The following CAMK1D variants were observed in gnomAD, a reference collection of about 807,000 sequenced individuals.
The protein encoded by CAMK1D is calcium/calmodulin dependent protein kinase ID.
A neutral mutation model predicts 47.7 loss-of-function variants in CAMK1D; 9 were observed. The observed-to-expected ratio is 0.19, with a 90% CI of 0.11 to 0.33. CAMK1D has a LOEUF of 0.33. CAMK1D is among the 10% of genes least tolerant of loss of function. The probability of loss-of-function intolerance (pLI) is 1.00; values close to 1 mark genes in which losing one functional copy is unlikely to be tolerated. For synonymous variants in CAMK1D, 184 were observed against 184.9 expected, an observed-to-expected ratio of 0.99 and a Z score of 0.04; for missense variants, 291 against 488.7, an observed-to-expected ratio of 0.60 and a Z score of 3.81.
chr10:12,460,077 G>A (rs763257902), intron 1 of CAMK1D, among the ~76,000 whole-genome samples: 1 of 151,894 alleles, frequency 6.6e-6, no homozygotes, highest in African/African-American at 2.4e-5. Flanking sequence ...ACCAGAAATC[G>A]GCTTTGTTTT....
chr10:12,554,831 A>T (rs1449478097), intron 2 of CAMK1D, among the ~76,000 whole-genome samples: 1 of 152,322 alleles, frequency 6.6e-6, no homozygotes, highest in African/African-American at 2.4e-5. Flanking sequence ...GGCATGAGCC[A>T]TGGCGCCTGG....
chr10:12,455,991 A>G (rs1179148443), intron 1 of CAMK1D, among the ~76,000 whole-genome samples: 2 of 152,176 alleles, frequency 1.3e-5, no homozygotes, highest in African/African-American at 4.8e-5. Context: ...CAGAAGGTCA[A>G]TTTCCTGAAA....
At chr10:12,780,889 A>G (rs1837462381) in intron 5 of CAMK1D, among the ~76,000 whole-genome samples, 1 of 152,072 alleles carries the variant, frequency 6.6e-6, no homozygotes, top group Non-Finnish European at 1.5e-5. Flanking sequence ...ACATTTTATC[A>G]CACCGTGGGC....
At chr10:12,538,886 A>C (rs1200798741) in intron 1 of CAMK1D, among the ~76,000 whole-genome samples, 30 of 45,182 alleles carry the variant, frequency 6.6e-4, no homozygotes, top group African/African-American at 1.4e-3. Flanking sequence ...AAACTGAGGC[A>C]AAAAAAAAAA....
At chr10:12,495,818 T>C (rs1385039670) in intron 1 of CAMK1D, among the ~76,000 whole-genome samples, 1 of 152,192 alleles carries the variant, frequency 6.6e-6, no homozygotes, top group Admixed American at 6.5e-5. Context: ...CAAATATTCC[T>C]TTATATGTAT....
chr10:12,353,922 G>A (rs1434395343), intron 1 of CAMK1D, among the ~76,000 whole-genome samples: 5 of 152,084 alleles, frequency 3.3e-5, no homozygotes, highest in African/African-American at 1.2e-4. Context: ...AGTGACTACT[G>A]AAGCAAAAAA....
rs369359102 is a variant in CAMK1D at position 12,788,357 on chromosome 10, A to G, written c.566-2801A>G. Among the ~76,000 whole-genome samples, 98 of 152,248 alleles carry G rather than the reference A, an allele frequency of 6.4e-4. 1 individual carries two copies. Among genetic ancestry groups the G allele is most frequent in the African/African-American group, 2.3e-3 (96 of 41,542 alleles). ...TCCCAGCACCTCTGTGCTGTTTGATATCTGGTTCTGTGGAGTGGCCAGGCC... is the reference window on the plus strand; with the variant it reads ...TCCCAGCACCTCTGTGCTGTTTGATGTCTGGTTCTGTGGAGTGGCCAGGCC... On this transcript the variant is annotated intron_variant, in intron 5 of 10. Transcript: ENST00000619168.
intron 4 of CAMK1D, among the ~76,000 whole-genome samples, chr10:12,764,391 A>AAAAAAAAAAAAG (rs1554822776): frequency 1.3e-5 from 2 of 151,096 alleles, no homozygotes; most frequent in African/African-American, 4.9e-5. Flanking sequence ...CAAAAAAAAA[A>AAAAAAAAAAAAG]AAAAAAACAT....
chr10:12,491,722 T>G (rs1180788961), intron 1 of CAMK1D, among the ~76,000 whole-genome samples: 1 of 151,894 alleles, frequency 6.6e-6, no homozygotes, highest in Non-Finnish European at 1.5e-5. Context: ...CGATTGCTAA[T>G]TGTTGATAAA....
chr10:12,438,059 G>A (rs929448263), intron 1 of CAMK1D, among the ~76,000 whole-genome samples: 4 of 152,178 alleles, frequency 2.6e-5, no homozygotes, highest in African/African-American at 9.7e-5. Context: ...AAACTGTTTA[G>A]GTGCAGTGAA....
intron 3 of CAMK1D, among the ~76,000 whole-genome samples, chr10:12,689,614 TA>T (rs372773457): frequency 2.6e-4 from 40 of 152,120 alleles, no homozygotes; most frequent in African/African-American, 9.6e-4. Context: ...CCATCTCTAC[TA>T]AAAATACAAA....
intron 1 of CAMK1D, among the ~76,000 whole-genome samples, chr10:12,532,470 G>A (rs1310364793): frequency 2.6e-5 from 4 of 152,010 alleles, no homozygotes; most frequent in East Asian, 1.9e-4. Context: ...TAGTAGAGAC[G>A]GGGTTTCACC....
intron 3 of CAMK1D, among the ~76,000 whole-genome samples, chr10:12,719,743 C>T (rs907150300): frequency 6.6e-6 from 1 of 152,196 alleles, no homozygotes; most frequent in African/African-American, 2.4e-5. Flanking sequence ...TCAGGGAGCA[C>T]TTTTTACCTG....
chr10:12,706,540 C>T (rs1833731746), intron 3 of CAMK1D, among the ~76,000 whole-genome samples: 1 of 152,086 alleles, frequency 6.6e-6, no homozygotes, highest in Admixed American at 6.5e-5. Context: ...AGTGAGACCT[C>T]ATCTCTATAA....
chr10:12,607,802 C>T (rs944517144), intron 2 of CAMK1D, among the ~76,000 whole-genome samples: 1 of 151,894 alleles, frequency 6.6e-6, no homozygotes, highest in Admixed American at 6.6e-5. Context: ...CTCTACAAGA[C>T]GTACAAAATT....
chr10:12,532,469 C>T (rs981142989), intron 1 of CAMK1D, among the ~76,000 whole-genome samples: 5 of 152,040 alleles, frequency 3.3e-5, no homozygotes, highest in South Asian at 4.1e-4. Context: ...TTAGTAGAGA[C>T]GGGGTTTCAC....
intron 5 of CAMK1D, among the ~76,000 whole-genome samples, chr10:12,782,945 AC>A (rs1837561551): frequency 6.6e-6 from 1 of 151,968 alleles, no homozygotes; most frequent in Non-Finnish European, 1.5e-5. Context: ...ATCTGAGATA[AC>A]AGACTTGTTT....
chr10:12,817,981 G>A (rs992006369), intron 8 of CAMK1D, among the ~76,000 whole-genome samples: 20 of 152,102 alleles, frequency 1.3e-4, no homozygotes, highest in African/African-American at 3.4e-4. Flanking sequence ...GAGCCACCGC[G>A]CTGGCCTGTA....
chr10:12,626,815 C>G (rs7077657), intron 2 of CAMK1D, among the ~76,000 whole-genome samples: 56,330 of 151,984 alleles, frequency 0.37, 13,085 homozygotes, highest in East Asian at 0.53. Flanking sequence ...ACTACTATTT[C>G]TTGATTCATC....
Sources: gnomAD v4.1 joint callset for allele counts (sites outside exome capture counted in the v4.1 genomes callset) on GRCh38, gnomAD v4.1.1 for gene constraint, MANE v1.5 for transcripts, NCBI Gene and HGNC (gene_info 2026-07-23, HGNC 2026-07-21) for gene names.